TRPC4AP: variants seen among roughly 807,000 people sequenced by gnomAD.
The protein encoded by TRPC4AP is transient receptor potential cation channel subfamily C member 4 associated protein, also known as short transient receptor potential channel 4-associated protein.
A neutral mutation model predicts 99.0 loss-of-function variants in TRPC4AP; 45 were observed. The ratio of observed to expected loss-of-function variants is 0.45; its 90% confidence interval spans 0.36 to 0.58. TRPC4AP has a LOEUF of 0.58. Among genes scored for constraint, TRPC4AP ranks in the 20% least tolerant of loss-of-function variants. The pLI, the probability that TRPC4AP is intolerant of heterozygous loss-of-function variation, is 0.00. For missense variants in TRPC4AP, 879 were observed against 985.3 expected, an observed-to-expected ratio of 0.89 and a Z score of 1.44; for synonymous variants, 408 against 385.8, an observed-to-expected ratio of 1.06 and a Z score of -0.67.
At chr20:35,024,190 A>G (rs1204668951) in intron 8 of TRPC4AP, among the ~76,000 whole-genome samples, 1 of 150,486 alleles carries the variant, frequency 6.6e-6, no homozygotes, top group African/African-American at 2.4e-5. Context: ...TCACCCATTT[A>G]GTTAACCATG....
intron 3 of TRPC4AP, among the ~76,000 whole-genome samples, 155 bp downstream of exon 3, chr20:35,069,139 CTA>C (rs2084236805): frequency 1.3e-5 from 2 of 152,126 alleles, no homozygotes; most frequent in African/African-American, 4.8e-5. Context: ...GAAGTAAAAA[CTA>C]TGCTGCTTCA....
At chr20:35,010,813 G>A (rs1407920225) in intron 11 of TRPC4AP, among the ~76,000 whole-genome samples, 2 of 152,158 alleles carry the variant, frequency 1.3e-5, no homozygotes, top group Non-Finnish European at 2.9e-5. Context: ...ATCACACGGT[G>A]CCAAAAGTGA....
At chr20:35,018,981 T>C (rs2082823075) in intron 9 of TRPC4AP, among the ~76,000 whole-genome samples, 1 of 152,200 alleles carries the variant, frequency 6.6e-6, no homozygotes, top group African/African-American at 2.4e-5. Context: ...AAACGACTGC[T>C]ATATGGATGG....
intron 10 of TRPC4AP, among the ~76,000 whole-genome samples, chr20:35,013,322 G>A (rs542909565): frequency 5.3e-5 from 8 of 152,308 alleles, no homozygotes; most frequent in African/African-American, 1.9e-4. Flanking sequence ...GGTTACACCT[G>A]TAATCACAGC....
At chr20:35,056,810 T>C (rs1441375038) in intron 4 of TRPC4AP, among the ~76,000 whole-genome samples, 2 of 150,702 alleles carry the variant, frequency 1.3e-5, no homozygotes, top group Admixed American at 1.3e-4. Flanking sequence ...TGAAACCCCA[T>C]CTCTACTAAA....
In TRPC4AP at chr20:35,050,011, AG is replaced by A; in HGVS notation, c.529-18del. The A allele has an allele frequency of 6.2e-7, 1 of 1,611,062 alleles. No homozygotes were observed. Among genetic ancestry groups the A allele is most frequent in the Non-Finnish European group, 8.5e-7 (1 of 1,178,764 alleles). ...TCCCTCTGTCTGTCACAAGAAGAAAAGGCAGAATAGGTTGTAAGTACAAAAT... is the reference window on the plus strand; with the variant it reads ...TCCCTCTGTCTGTCACAAGAAGAAAAGCAGAATAGGTTGTAAGTACAAAAT... On this transcript the variant is annotated intron_variant, in intron 5 of 18. Coordinates refer to ENST00000252015, the MANE Select transcript of TRPC4AP (RefSeq NM_015638.3).
At chr20:35,049,482 T>C (rs1202480636) in intron 6 of TRPC4AP, among the ~76,000 whole-genome samples, 2 of 67,992 alleles carry the variant, frequency 2.9e-5, no homozygotes, top group Admixed American at 2.1e-4. Flanking sequence ...CCAGTTCAGA[T>C]AGCGGTAAAG....
intron 8 of TRPC4AP, among the ~76,000 whole-genome samples, chr20:35,024,852 A>AAAAAAAAAAC (rs2082988293): frequency 2.8e-5 from 2 of 70,232 alleles, no homozygotes; most frequent in Non-Finnish European, 6.2e-5. Flanking sequence ...AAAAAAAAAA[A>AAAAAAAAAAC]AAATTCTGTT....
chr20:35,089,329 C>T (rs942370030), intron 1 of TRPC4AP, among the ~76,000 whole-genome samples: 4 of 151,864 alleles, frequency 2.6e-5, no homozygotes, highest in Middle Eastern at 3.4e-3. Flanking sequence ...CAGGCTCAAG[C>T]GATCTTCCCA....
chr20:35,033,602 C>G (rs2083250983), intron 8 of TRPC4AP, among the ~76,000 whole-genome samples: 1 of 152,126 alleles, frequency 6.6e-6, no homozygotes, highest in African/African-American at 2.4e-5. Context: ...TGAAATTGAG[C>G]TTTGTTCTGA....
intron 3 of TRPC4AP, among the ~76,000 whole-genome samples, chr20:35,064,394 C>T (rs1449119013): frequency 6.6e-6 from 1 of 152,182 alleles, no homozygotes; most frequent in African/African-American, 2.4e-5. Flanking sequence ...CTGAGAAAGC[C>T]TCTGCTCATC....
chr20:35,003,901 G>A (rs1292729911), intron 17 of TRPC4AP, among the ~76,000 whole-genome samples: 1 of 152,216 alleles, frequency 6.6e-6, no homozygotes, highest in African/African-American at 2.4e-5. Flanking sequence ...CCTTCCGGAA[G>A]GTCCGTCCCA....
At chr20:35,010,506 C>T (rs760809518) in intron 11 of TRPC4AP, among the ~76,000 whole-genome samples, 33 of 152,136 alleles carry the variant, frequency 2.2e-4, no homozygotes, top group Non-Finnish European at 3.4e-4. Flanking sequence ...CCCCCATCCC[C>T]GACCCCTGCC....
chr20:35,008,404 C>T (rs548511589), intron 13 of TRPC4AP, among the ~76,000 whole-genome samples: 2 of 152,284 alleles, frequency 1.3e-5, no homozygotes, highest in East Asian at 3.9e-4. Context: ...GGGCCCGTAT[C>T]CTAGTTCTCT....
intron 7 of TRPC4AP, among the ~76,000 whole-genome samples, chr20:35,037,113 G>A (rs898299527): frequency 6.6e-6 from 1 of 152,044 alleles, no homozygotes; most frequent in Admixed American, 6.5e-5. Flanking sequence ...TTGGGAGGCC[G>A]AGGCGGGTGG....
At chr20:35,047,966 T>G (rs1174255870) in intron 6 of TRPC4AP, among the ~76,000 whole-genome samples, 1 of 152,146 alleles carries the variant, frequency 6.6e-6, no homozygotes, top group Non-Finnish European at 1.5e-5. Flanking sequence ...AAAGAGGATA[T>G]TCTGCTGATA....
At chr20:35,017,756 A>T (rs1243414046) in intron 9 of TRPC4AP, among the ~76,000 whole-genome samples, 1 of 152,154 alleles carries the variant, frequency 6.6e-6, no homozygotes. Flanking sequence ...ATTTCCATGG[A>T]CCTCTTCCTT....
At chr20:35,074,493 G>T (rs1033645865) in intron 2 of TRPC4AP, among the ~76,000 whole-genome samples, 1 of 152,172 alleles carries the variant, frequency 6.6e-6, no homozygotes, top group Non-Finnish European at 1.5e-5. Flanking sequence ...TGGTTTCAAA[G>T]AACACCTTTA....
At chr20:35,039,602 C>T (rs1382019739) in intron 7 of TRPC4AP, among the ~76,000 whole-genome samples, 1 of 152,118 alleles carries the variant, frequency 6.6e-6, no homozygotes, top group Non-Finnish European at 1.5e-5. Flanking sequence ...CATCAGTATT[C>T]CCCCCATACT....
Sources: gnomAD v4.1 joint callset for allele counts (sites outside exome capture counted in the v4.1 genomes callset) on GRCh38, gnomAD v4.1.1 for gene constraint, MANE v1.5 for transcripts, NCBI Gene and HGNC (gene_info 2026-07-23, HGNC 2026-07-21) for gene names.